The following FRMPD3 variants were observed in gnomAD, a reference collection of about 807,000 sequenced individuals.
FRMPD3 encodes FERM and PDZ domain containing 3, also known as FERM and PDZ domain-containing protein 3.
Under a neutral mutation model 97.9 loss-of-function variants are expected in FRMPD3, and 42 were observed. The observed-to-expected ratio is 0.43, with a 90% confidence interval of 0.34 to 0.55. The LOEUF (loss-of-function observed/expected upper bound fraction) is 0.55. Ranked by LOEUF, FRMPD3 falls within the 20% of genes least tolerant of loss-of-function variation. FRMPD3 has a pLI of 0.03. For synonymous variants in FRMPD3, 577 were observed against 581.1 expected (o/e 0.99, Z 0.10); for missense variants, 1,303 against 1,457.7 (o/e 0.89, Z 1.73).
At chrX:107,509,430 C>T (rs752720157) in intron 1 of FRMPD3, among the ~76,000 whole-genome samples, 181 of 111,506 alleles carry the variant, frequency 1.6e-3, no homozygotes, top group African/African-American at 5.1e-3. Context: ...GGCTGTGCCC[C>T]GGTTGTCTCT....
At chrX:107,498,011 T>C (rs1921816390) in intron 1 of FRMPD3, among the ~76,000 whole-genome samples, 1 of 111,885 alleles carries the variant, frequency 8.9e-6, no homozygotes, top group Admixed American at 9.4e-5. Flanking sequence ...TCCCCTAGCA[T>C]ACCCTGGGTC....
intron 1 of FRMPD3, among the ~76,000 whole-genome samples, chrX:107,458,031 A>G (rs1016955788): frequency 3.6e-5 from 4 of 112,004 alleles, no homozygotes; most frequent in Admixed American, 9.4e-5. Flanking sequence ...GAAAGCTAGG[A>G]TCTGACAGCT....
chrX:107,523,039 G>A (rs1185972500), intron 1 of FRMPD3, among the ~76,000 whole-genome samples: 1 of 111,528 alleles, frequency 9.0e-6, no homozygotes, highest in African/African-American at 3.3e-5. Context: ...TCCCCCAGGA[G>A]GATAGTCATG....
intron 1 of FRMPD3, among the ~76,000 whole-genome samples, chrX:107,472,785 G>C (rs963156089): frequency 8.9e-6 from 1 of 111,817 alleles, no homozygotes; most frequent in Non-Finnish European, 1.9e-5. Context: ...TCCCATCCCG[G>C]ATCTACCACT....
intron 1 of FRMPD3, among the ~76,000 whole-genome samples, chrX:107,510,329 C>T (rs981157853): frequency 9.0e-6 from 1 of 111,134 alleles, no homozygotes; most frequent in Non-Finnish European, 1.9e-5. Context: ...AGATAGAGAG[C>T]TTGTGGGTTC....
intron 1 of FRMPD3, among the ~76,000 whole-genome samples, chrX:107,461,975 T>C (rs1211380906): frequency 9.2e-6 from 1 of 108,633 alleles, no homozygotes; most frequent in Non-Finnish European, 1.9e-5. Context: ...CAGCCTGCAG[T>C]GGCCCCCTTT....
chrX:107,537,477 C>G (rs191179041), intron 4 of FRMPD3, among the ~76,000 whole-genome samples: 1 of 111,677 alleles, frequency 9.0e-6, no homozygotes, highest in South Asian at 3.7e-4. Context: ...TACACACACA[C>G]GGGGCTAATT....
In FRMPD3 at chrX:107,603,875, C is replaced by T; in HGVS notation, c.*502C>T. 8.6e-6 allele frequency: 1 copy of T among 116,309 alleles called. No homozygotes were observed. The highest frequency in any genetic ancestry group is 1.8e-5 in the Non-Finnish European group (1 of 55,204). The allele number at this position is 116,309 out of a possible 1,213,427, so 9.6% of individuals were successfully genotyped here. A position where few individuals can be genotyped will look rare whatever the true frequency, so the allele number is the denominator to read the frequency against. On this transcript the variant is annotated 3_prime_UTR_variant, in exon 15 of 15. Coordinates refer to ENST00000683843, the MANE Select transcript of FRMPD3 (RefSeq NM_001388459.1). The stretch of plus-strand genomic sequence containing the variant: ...TGTCCCCATCCACCTTGGGCTCACA[C>T]TCACCTGGTAGATGCCACCCTGAGG...
At chrX:107,576,862 G>A (rs778631512) in intron 13 of FRMPD3, among the ~76,000 whole-genome samples, 99 of 111,151 alleles carry the variant, frequency 8.9e-4, no homozygotes, top group African/African-American at 3.1e-3. Context: ...ATGAAAAGGA[G>A]GTGGCTCAAA....
intron 1 of FRMPD3, among the ~76,000 whole-genome samples, chrX:107,522,675 T>C (rs1281810472): frequency 1.8e-5 from 2 of 111,991 alleles, no homozygotes; most frequent in African/African-American, 6.5e-5. Flanking sequence ...TGTGAAAGCA[T>C]CTTTTCTCAA....
chrX:107,555,640 T>C (rs1164803892), intron 8 of FRMPD3, among the ~76,000 whole-genome samples: 1 of 112,240 alleles, frequency 8.9e-6, no homozygotes, highest in Non-Finnish European at 1.9e-5. Context: ...GGGAAAATGC[T>C]GTGCCCCATC....
chrX:107,550,748 A>G (rs1921828661), intron 6 of FRMPD3, among the ~76,000 whole-genome samples: 1 of 111,654 alleles, frequency 9.0e-6, no homozygotes, highest in Admixed American at 9.5e-5. Context: ...CCTTAGGAAT[A>G]GAAGTGATGA....
intron 1 of FRMPD3, among the ~76,000 whole-genome samples, chrX:107,485,342 G>T (rs1411048551): frequency 2.7e-5 from 3 of 112,282 alleles, no homozygotes. Context: ...TTTTCTTTTC[G>T]GGAGAAGGGG....
chrX:107,494,595 T>C (rs1396906946), intron 1 of FRMPD3, among the ~76,000 whole-genome samples: 2 of 111,804 alleles, frequency 1.8e-5, no homozygotes, highest in Non-Finnish European at 3.8e-5. Flanking sequence ...CATGCTTGGG[T>C]GTAGATGAGT....
intron 8 of FRMPD3, among the ~76,000 whole-genome samples, chrX:107,559,002 A>AT (rs34486203): frequency 0.21 from 19,315 of 92,182 alleles, 2,142 homozygotes; most frequent in Non-Finnish European, 0.3. Flanking sequence ...CACTATAGCA[A>AT]TTTTTTTTTT....
At chrX:107,533,966 A>G (rs935019558) in intron 4 of FRMPD3, among the ~76,000 whole-genome samples, 1 of 112,423 alleles carries the variant, frequency 8.9e-6, no homozygotes, top group African/African-American at 3.2e-5. Flanking sequence ...ACCATATGTG[A>G]GAGAATTTAA....
intron 1 of FRMPD3, among the ~76,000 whole-genome samples, chrX:107,524,531 G>T (rs1922618601): frequency 8.9e-6 from 1 of 112,120 alleles, no homozygotes; most frequent in Non-Finnish European, 1.9e-5. Flanking sequence ...AGAGTTCTTT[G>T]CTGGACTATG....
At chrX:107,570,520 G>T (rs895915688) in intron 12 of FRMPD3, among the ~76,000 whole-genome samples, 2 of 111,119 alleles carry the variant, frequency 1.8e-5, no homozygotes, top group Non-Finnish European at 3.8e-5. Flanking sequence ...TAAGAATTCT[G>T]GGGGGTTGGG....
rs1168871873 is a variant in FRMPD3, at chrX:107,506,398, G to A, written c.-7-20184G>A. Among the ~76,000 whole-genome samples the A allele has an allele frequency of 2.7e-5, 3 of 112,688 alleles. No homozygotes were observed. In the Admixed American group the frequency reaches 2.8e-4, roughly 11 times the overall value. ...TTTGCAATAGCACAAGGTAGCTTTT[G>A]AGACAGGTAGCCCGGAATTTGAGAT... is the stretch of plus-strand genomic sequence containing the variant. On this transcript the variant is annotated intron_variant, in intron 1 of 14. Transcript: ENST00000683843.
Sources: gnomAD v4.1 joint callset for allele counts (sites outside exome capture counted in the v4.1 genomes callset) on GRCh38, gnomAD v4.1.1 for gene constraint, MANE v1.5 for transcripts, NCBI Gene and HGNC (gene_info 2026-07-23, HGNC 2026-07-21) for gene names.